PIAS2: variants seen among roughly 807,000 people sequenced by gnomAD.
PIAS2 encodes the protein protein inhibitor of activated STAT 2, also known as E3 SUMO-protein ligase PIAS2.
PIAS2 carries 19 observed loss-of-function variants against 69.7 expected under a neutral mutation model. The observed-to-expected ratio is 0.27, with a 90% CI of 0.19 to 0.40. The LOEUF (loss-of-function observed/expected upper bound fraction) is 0.40, where lower values mean the gene tolerates loss of function less well. Among genes scored for constraint, PIAS2 ranks in the 10% least tolerant of loss-of-function variants. The pLI is 1.00. For missense variants in PIAS2, 624 were observed against 757.0 expected, an observed-to-expected ratio of 0.82 and a Z score of 2.06; for synonymous variants, 261 against 263.2, an observed-to-expected ratio of 0.99 and a Z score of 0.08.
rs2040759723 is a variant in PIAS2, at chr18:46,807,385, T to TATATATATATATATATATA, written c.*5047_*5048insTATATATATATATATATAT. Reference sequence around the variant, plus strand: ...TATATATATATATATATATATATATTTTTTTTTTTTTTTTTTTTTTTTTTT... The same window carrying TATATATATATATATATATA: ...TATATATATATATATATATATATATTATATATATATATATATATATTTTTTTTTTTTTTTTTTTTTTTTT... On this transcript the variant is annotated 3_prime_UTR_variant, in exon 14 of 14. Transcript: ENST00000585916. The TATATATATATATATATATA allele has an allele frequency of 9.4e-5, 2 of 21,326 alleles. No individual in the cohort carries two copies. Among genetic ancestry groups the TATATATATATATATATATA allele is most frequent in the African/African-American group, 2.2e-4 (1 of 4,458 alleles). 1.3% of individuals were successfully genotyped at this position (21,326 alleles called of 1,614,324 possible).
intron 2 of PIAS2, among the ~76,000 whole-genome samples, chr18:46,878,050 C>T (rs2051539058): frequency 6.6e-6 from 1 of 152,104 alleles, no homozygotes; most frequent in African/African-American, 2.4e-5. Flanking sequence ...GTTATGACAG[C>T]TCTAAATCTA....
intron 1 of PIAS2, among the ~76,000 whole-genome samples, chr18:46,909,695 ATTC>A (rs1002809682): frequency 6.6e-6 from 1 of 152,226 alleles, no homozygotes; most frequent in African/African-American, 2.4e-5. Context: ...ATATGCACAC[ATTC>A]TTCTTAAATA....
chr18:46,816,794 T>C (rs56163470), intron 12 of PIAS2: 16,241 of 984,964 alleles, frequency 0.016, 152 homozygotes, highest in Non-Finnish European at 0.018. Context: ...TTCATATGTC[T>C]GTCACTAGCT....
At chr18:46,839,304 T>G (rs1001426950) in intron 8 of PIAS2, among the ~76,000 whole-genome samples, 2 of 152,172 alleles carry the variant, frequency 1.3e-5, no homozygotes, top group African/African-American at 2.4e-5. Flanking sequence ...CAGCAAGCCA[T>G]AGGACAGTAT....
chr18:46,889,184 C>A (rs1248025194), intron 2 of PIAS2, among the ~76,000 whole-genome samples: 6 of 152,204 alleles, frequency 3.9e-5, no homozygotes, highest in Non-Finnish European at 7.3e-5. Context: ...GCAATGATTT[C>A]TTGGATATGA....
chr18:46,870,997 C>A (rs2050277145), intron 2 of PIAS2, among the ~76,000 whole-genome samples: 1 of 152,010 alleles, frequency 6.6e-6, no homozygotes, highest in African/African-American at 2.4e-5. Flanking sequence ...CCATATACAA[C>A]AAAGAAAGGA....
rs554532462 is a variant in PIAS2, at chr18:46,811,379, T to G, written c.*1054A>C. On this transcript the variant is annotated 3_prime_UTR_variant, in exon 14 of 14. Transcript: ENST00000585916. ...TCATAAATCTAAAACACATTTTCTA[T>G]GTAGTGCTACCAAAATACAAAGTTT... 3 of 152,332 alleles carry G rather than the reference T, an allele frequency of 2.0e-5. No homozygotes were observed. Among genetic ancestry groups the G allele is most frequent in the Non-Finnish European group, 4.4e-5 (3 of 68,026 alleles). 9.4% of individuals were successfully genotyped at this position (152,332 alleles called of 1,614,324 possible).
intron 1 of PIAS2, among the ~76,000 whole-genome samples, chr18:46,903,801 A>G (rs1402132370): frequency 6.6e-6 from 1 of 152,226 alleles, no homozygotes; most frequent in Non-Finnish European, 1.5e-5. Flanking sequence ...TTATCAAAAA[A>G]CTGTAAACAA....
chr18:46,826,328 G>T (rs1165073238), intron 11 of PIAS2, among the ~76,000 whole-genome samples: 2 of 152,044 alleles, frequency 1.3e-5, no homozygotes, highest in Non-Finnish European at 2.9e-5. Context: ...CTGTTTCATG[G>T]ACTTATCAAA....
chr18:46,849,512 A>G (rs1378107264), intron 5 of PIAS2, among the ~76,000 whole-genome samples: 1 of 152,166 alleles, frequency 6.6e-6, no homozygotes, highest in African/African-American at 2.4e-5. Context: ...CGAGCTTTCT[A>G]AGCAAAGGCC....
At chr18:46,916,770 G>C (rs1467351451) in intron 1 of PIAS2, 2 of 953,366 alleles carry the variant, frequency 2.1e-6, no homozygotes, top group Non-Finnish European at 2.5e-6. Context: ...CCAAACATTA[G>C]GTTCCTCGAA....
In PIAS2 at chr18:46,917,455, G is replaced by C. The variant is rs1219062569; in HGVS notation, c.-110C>G. On this transcript the variant is annotated 5_prime_UTR_variant, in exon 1 of 14. Coordinates refer to ENST00000585916, the MANE Select transcript of PIAS2 (RefSeq NM_004671.5). ...GCCGCCTCCAGCACCATCCTGCACT[G>C]GGCGCCGCTTAAGACGCCGCGGCCG... 2.4e-6 allele frequency: 3 copies of C among 1,237,976 alleles called. No individual in the cohort carries two copies. The Admixed American group carries it at 1.3e-4, about 55-fold the overall frequency. The allele number at this position is 1,237,976 out of a possible 1,614,324, so 76.7% of individuals were successfully genotyped here.
chr18:46,815,597 A>C, intron 12 of PIAS2: 5 of 1,161,206 alleles, frequency 4.3e-6, no homozygotes, highest in Non-Finnish European at 5.3e-6. Flanking sequence ...AAAACTTTCC[A>C]GTGAAGGACT....
Position 46,806,917 on chromosome 18 carries a change from T to A in PIAS2, c.*5516A>T, listed in dbSNP as rs561321838. The A allele has an allele frequency of 6.6e-6, 1 of 152,320 alleles. No homozygotes were observed. Among genetic ancestry groups the A allele is most frequent in the Non-Finnish European group, 1.5e-5 (1 of 68,036 alleles). 9.4% of individuals were successfully genotyped at this position (152,320 alleles called of 1,614,324 possible). ...AATAGGAAGCAGTTTGGGAAATGAT[T>A]GTGCTACGCCAATCAAGAAAATGTT... On this transcript the variant is annotated 3_prime_UTR_variant, in exon 14 of 14. Coordinates refer to ENST00000585916, the MANE Select transcript of PIAS2 (RefSeq NM_004671.5).
At chr18:46,907,638 G>A (rs1276924539) in intron 1 of PIAS2, 1 of 152,104 alleles carries the variant, frequency 6.6e-6, no homozygotes, top group Non-Finnish European at 1.5e-5. Context: ...TTAGTCAAAG[G>A]TCAACTGTAT....
rs2043327491 is a variant in PIAS2 at position 46,829,757 on chromosome 18, C to T, written c.1313G>A (p.Ser438Asn). ...ACTTTCTATTTTTGTACACGGTTGG[C>T]TGGATACTTTCATAGCTTCTTTCTT... ...RPKKEAMKVS[S>N]QPCTKIESSS... The change falls in exon 10 of 14, where the codon AGC becomes AAC. Residue 438 changes from serine to asparagine, a missense_variant. Coordinates refer to ENST00000585916, the MANE Select transcript of PIAS2 (RefSeq NM_004671.5). The T allele has an allele frequency of 1.2e-6, 2 of 1,613,272 alleles. No individual in the cohort carries two copies. The highest frequency in any genetic ancestry group is 1.7e-5 in the Admixed American group (1 of 59,922).
chr18:46,864,172 G>T lies in PIAS2; in HGVS notation c.576C>A (p.Cys192Ter). 2 of 1,541,480 alleles carry T rather than the reference G, an allele frequency of 1.3e-6. No individual in the cohort carries two copies. Among genetic ancestry groups the T allele is most frequent in the Non-Finnish European group, 8.9e-7 (1 of 1,126,238 alleles). Residue 192 changes from cysteine to a stop codon, truncating the protein, a stop_gained, in exon 3 of 14, where the codon TGC becomes TGA. Coordinates refer to ENST00000585916, the MANE Select transcript of PIAS2 (RefSeq NM_004671.5). LOFTEE classifies it high-confidence loss of function. ...ALTPQQVREI[C>*]ISRDFLPGGR... is the part of the protein sequence containing the mutation. ...CCAAATATTCCTCTTACCTGGATAT[G>T]CATATCTCTCTAACTTGTTGAGGTG...
chr18:46,821,445 G>A (rs2042169334), intron 11 of PIAS2, among the ~76,000 whole-genome samples: 2 of 152,192 alleles, frequency 1.3e-5, no homozygotes, highest in South Asian at 4.1e-4. Context: ...AACTAACATA[G>A]AAGATCCCTA....
intron 3 of PIAS2, among the ~76,000 whole-genome samples, chr18:46,861,574 T>C (rs904311356): frequency 6.6e-5 from 10 of 152,022 alleles, no homozygotes; most frequent in African/African-American, 9.7e-5. Context: ...AAATAAGATA[T>C]CAATATTATG....
Sources: gnomAD v4.1 joint callset for allele counts (sites outside exome capture counted in the v4.1 genomes callset) on GRCh38, gnomAD v4.1.1 for gene constraint, MANE v1.5 for transcripts, NCBI Gene and HGNC (gene_info 2026-07-23, HGNC 2026-07-21) for gene names.